PDGFC: variants seen among roughly 807,000 people sequenced by gnomAD.
PDGFC encodes the protein platelet derived growth factor C.
PDGFC carries 12 observed loss-of-function variants against 35.5 expected under a neutral mutation model. That is an observed-to-expected ratio of 0.34 (90% CI 0.22 to 0.55). The LOEUF is 0.55. Among genes scored for constraint, PDGFC ranks in the 20% least tolerant of loss-of-function variants. The probability of loss-of-function intolerance (pLI) is 0.91; values close to 1 mark genes in which losing one functional copy is unlikely to be tolerated. For missense variants in PDGFC, 322 were observed against 412.4 expected (o/e 0.78, Z 1.90); for synonymous variants, 159 against 148.8 (o/e 1.07, Z -0.50).
intron 1 of PDGFC, among the ~76,000 whole-genome samples, chr4:156,929,874 A>G (rs1419282433): frequency 6.6e-6 from 1 of 152,200 alleles, no homozygotes; most frequent in Non-Finnish European, 1.5e-5. Context: ...ACAGGCCAGA[A>G]CTTGTAGTGT....
At chr4:156,940,325 TTAAATAGTAAAGTAAATGCCC>T (rs1231440220) in intron 1 of PDGFC, among the ~76,000 whole-genome samples, 2 of 152,100 alleles carry the variant, frequency 1.3e-5, no homozygotes, top group Admixed American at 6.6e-5. Flanking sequence ...GTCTATATTA[TTAAATAGTAAAGTAAATGCCC>T]TAAATATAGG....
At position 156,767,938 on chromosome 4, in the gene PDGFC, A is replaced by G; in HGVS notation, c.756T>C (p.Pro252=). Residue 252 remains proline (P), a synonymous_variant, in exon 5 of 6, where the codon CCT becomes CCC. Transcript: ENST00000502773. The stretch of plus-strand genomic sequence containing the variant: ...CCCTTATGGACACTGAGAAGTTACG[A>G]GGTGTGCAGCTGTATAATCTTACCT... ...TEEVRLYSCT[P]RNFSVSIREE... 6.2e-7 allele frequency: 1 copy of G among 1,612,764 alleles called. No individual in the cohort carries two copies. The highest frequency in any genetic ancestry group is 8.5e-7 in the Non-Finnish European group (1 of 1,178,846).
At chr4:156,926,049 C>CAAAAAAAAAAAA (rs397707839) in intron 1 of PDGFC, among the ~76,000 whole-genome samples, 5 of 67,544 alleles carry the variant, frequency 7.4e-5, no homozygotes, top group Non-Finnish European at 1.3e-4. Flanking sequence ...AGATCTGTCT[C>CAAAAAAAAAAAA]AAAAAAAAAA....
At chr4:156,826,174 A>AATTTTTTTTTTTTTT (rs1288749370) in intron 2 of PDGFC, among the ~76,000 whole-genome samples, 2 of 43,768 alleles carry the variant, frequency 4.6e-5, no homozygotes, top group African/African-American at 8.1e-5. Context: ...TTTGAGTTGG[A>AATTTTTTTTTTTTTT]TTTTTTTTTT....
intron 1 of PDGFC, among the ~76,000 whole-genome samples, chr4:156,963,852 T>A (rs1011139878): frequency 6.6e-6 from 1 of 152,198 alleles, no homozygotes; most frequent in African/African-American, 2.4e-5. Context: ...TTCCCCTTTA[T>A]AATTTTTAGC....
rs190702367 is a variant in PDGFC at position 156,895,729 on chromosome 4, T to G, written c.119-45313A>C. 4.0e-3 allele frequency among the ~76,000 whole-genome samples: 609 copies of G among 151,876 alleles called. 2 individuals are homozygous for G. The highest frequency in any genetic ancestry group is 0.014 in the African/African-American group (586 of 41,392). ...ATGAAAAAATCTATGTATATGTGAG[T>G]ATACCTGTATATAACATATATATAA... On this transcript the variant is annotated intron_variant, in intron 1 of 5. Coordinates refer to ENST00000502773, the MANE Select transcript of PDGFC (RefSeq NM_016205.3).
intron 1 of PDGFC, among the ~76,000 whole-genome samples, chr4:156,888,658 G>A (rs1312670371): frequency 2.0e-5 from 3 of 151,986 alleles, no homozygotes; most frequent in African/African-American, 7.3e-5. Flanking sequence ...CTTAATCTTT[G>A]TGTTTTTCTA....
chr4:156,966,214 G>A (rs1251418723), intron 1 of PDGFC, among the ~76,000 whole-genome samples: 1 of 152,118 alleles, frequency 6.6e-6, no homozygotes, highest in Non-Finnish European at 1.5e-5. Flanking sequence ...ACAACATACA[G>A]ATTGTTTACA....
chr4:156,875,380 T>C (rs1730088468), intron 1 of PDGFC, among the ~76,000 whole-genome samples: 2 of 152,104 alleles, frequency 1.3e-5, no homozygotes, highest in African/African-American at 4.8e-5. Context: ...GAATCTAAGC[T>C]TATCAACCTT....
intron 3 of PDGFC, among the ~76,000 whole-genome samples, chr4:156,801,067 T>A (rs1203006159): frequency 2.0e-5 from 3 of 152,136 alleles, no homozygotes; most frequent in African/African-American, 7.2e-5. Flanking sequence ...GCAGATAGCA[T>A]CACTATTGTA....
intron 1 of PDGFC, among the ~76,000 whole-genome samples, chr4:156,911,039 T>A (rs1731027071): frequency 6.6e-6 from 1 of 152,186 alleles, no homozygotes; most frequent in African/African-American, 2.4e-5. Flanking sequence ...GCAAAAGTTT[T>A]ATTTTCATGA....
intron 1 of PDGFC, among the ~76,000 whole-genome samples, chr4:156,885,540 A>G (rs2111181590): frequency 6.6e-6 from 1 of 152,290 alleles, no homozygotes; most frequent in Middle Eastern, 3.4e-3. Context: ...AACTTCAGCA[A>G]TAATTTAGAG....
chr4:156,814,277 G>A (rs1179204669), intron 2 of PDGFC, among the ~76,000 whole-genome samples: 2 of 152,102 alleles, frequency 1.3e-5, no homozygotes, highest in Non-Finnish European at 2.9e-5. Flanking sequence ...AGGAATTCGA[G>A]GAAACAGTAA....
At chr4:156,825,620 G>T (rs532392027) in intron 2 of PDGFC, among the ~76,000 whole-genome samples, 109 of 140,520 alleles carry the variant, frequency 7.8e-4, no homozygotes, top group Non-Finnish European at 1.2e-3. Context: ...AGAAGAAGAA[G>T]AAGAAGAAGA....
chr4:156,887,689 A>T (rs921436403), intron 1 of PDGFC, among the ~76,000 whole-genome samples: 1 of 152,198 alleles, frequency 6.6e-6, no homozygotes, highest in Non-Finnish European at 1.5e-5. Context: ...TCTAATAGAT[A>T]TCTCCCTTAC....
In PDGFC at chr4:156,936,717, T is replaced by C. The variant is rs1017526138; in HGVS notation, c.118+34069A>G. 2.4e-4 allele frequency among the ~76,000 whole-genome samples: 37 copies of C among 152,248 alleles called. 1 individual carries two copies. Among genetic ancestry groups the C allele is most frequent in the Middle Eastern group, 3.4e-3 (1 of 294 alleles). On this transcript the variant is annotated intron_variant, in intron 1 of 5. Transcript: ENST00000502773. ...TAAAAGACTGACATGTCGGACACCA[T>C]TGTTGATGGATGGGATGGAGTAGAC... is the stretch of plus-strand genomic sequence containing the variant.
chr4:156,838,814 G>A (rs1462646808), intron 2 of PDGFC, among the ~76,000 whole-genome samples: 1 of 152,148 alleles, frequency 6.6e-6, no homozygotes, highest in African/African-American at 2.4e-5. Context: ...GGAACAGGTG[G>A]AAGGTAATTG....
At chr4:156,868,799 A>G (rs1729908089) in intron 1 of PDGFC, among the ~76,000 whole-genome samples, 1 of 152,144 alleles carries the variant, frequency 6.6e-6, no homozygotes. Context: ...TTATACCTGC[A>G]GTTGGTTCTT....
chr4:156,764,495 T>G (rs1730464898), intron 5 of PDGFC, among the ~76,000 whole-genome samples: 1 of 152,192 alleles, frequency 6.6e-6, no homozygotes, highest in South Asian at 2.1e-4. Context: ...AGCCCAGAGA[T>G]GAATTATTAG....
Sources: allele counts gnomAD v4.1 joint callset (sites outside exome capture counted in the v4.1 genomes callset), GRCh38; gene constraint gnomAD v4.1.1; transcripts MANE v1.5; gene names NCBI Gene and HGNC (gene_info 2026-07-23, HGNC 2026-07-21).